Variants in DYM observed in about 807,000 individuals in gnomAD.
DYM encodes dyggve-Melchior-Clausen syndrome protein.
Under a neutral mutation model 93.1 loss-of-function variants are expected in DYM, and 78 were observed. The ratio of observed to expected loss-of-function variants is 0.84; its 90% CI spans 0.70 to 1.01. The LOEUF is 1.01. Ranked by LOEUF, DYM falls within the 50% of genes least tolerant of loss-of-function variation. The pLI, the probability that DYM is intolerant of heterozygous loss-of-function variation, is 0.00. For synonymous variants in DYM, 321 were observed against 319.7 expected (o/e 1.00, Z -0.04); for missense variants, 789 against 845.0 (o/e 0.93, Z 0.82).
At chr18:49,124,709 G>C (rs1337652311) in intron 15 of DYM, among the ~76,000 whole-genome samples, 2 of 152,076 alleles carry the variant, frequency 1.3e-5, no homozygotes, top group African/African-American at 4.8e-5. Flanking sequence ...TTCAGTTGCA[G>C]ATTTATAAAT....
chr18:49,208,046 G>A (rs2092606112), intron 14 of DYM, among the ~76,000 whole-genome samples: 1 of 151,886 alleles, frequency 6.6e-6, no homozygotes, highest in South Asian at 2.1e-4. Flanking sequence ...AGCCAGGCGT[G>A]GTGGTGCACA....
chr18:49,316,911 C>T (rs187465279), intron 8 of DYM, among the ~76,000 whole-genome samples: 2 of 152,238 alleles, frequency 1.3e-5, no homozygotes, highest in East Asian at 1.9e-4. Context: ...CTTCTTATTG[C>T]TGAATAAAAT....
chr18:49,128,840 C>A (rs937277894), intron 15 of DYM, among the ~76,000 whole-genome samples: 2 of 152,030 alleles, frequency 1.3e-5, no homozygotes, highest in Non-Finnish European at 2.9e-5. Flanking sequence ...AATCCAAAAA[C>A]CTTTGTAAGT....
At chr18:49,249,366 A>G (rs1034494245) in intron 13 of DYM, among the ~76,000 whole-genome samples, 1 of 152,186 alleles carries the variant, frequency 6.6e-6, no homozygotes, top group African/African-American at 2.4e-5. Flanking sequence ...ATGTTATTAC[A>G]TATTTGAATT....
Position 49,215,237 on chromosome 18 carries a change from CTGAT to C in DYM, c.1461-5526_1461-5523del, listed in dbSNP as rs370393864. Among the ~76,000 whole-genome samples, 10 of 152,222 alleles carry C rather than the reference CTGAT, an allele frequency of 6.6e-5. 1 individual carries two copies. The Middle Eastern group carries it at 0.01, about 155-fold the overall frequency. ...TGTGAATTTCTTCATCTTTTCTTCT[CTGAT>C]TGATATTAAAATCTGTTCATCTCTC... is the stretch of plus-strand genomic sequence containing the variant. On this transcript the variant is annotated intron_variant, in intron 13 of 17. Transcript: ENST00000675505.
At chr18:49,070,931 T>C (rs932649375) in intron 17 of DYM, among the ~76,000 whole-genome samples, 31 of 152,208 alleles carry the variant, frequency 2.0e-4, no homozygotes, top group African/African-American at 7.5e-4. Flanking sequence ...GTGCCCTGAT[T>C]TGAAAAACTC....
Position 49,392,744 on chromosome 18 carries a change from C to T in DYM, c.141-1099G>A, listed in dbSNP as rs1241211691. On this transcript the variant is annotated intron_variant, in intron 2 of 17. Coordinates refer to ENST00000675505, the MANE Select transcript of DYM (RefSeq NM_001353214.3). ...GCGAGGTGGGCTCACACCTGTAATC[C>T]CAGCACTTTGGGAGGCTGAGGAGGG... 2.8e-5 allele frequency among the ~76,000 whole-genome samples: 4 copies of T among 143,278 alleles called. No homozygotes were observed. In the East Asian group the frequency reaches 7.9e-4, roughly 28 times the overall value. 94.0% of individuals were successfully genotyped at this position (143,278 alleles called of 152,430 possible).
intron 8 of DYM, among the ~76,000 whole-genome samples, chr18:49,318,220 A>G (rs1292239568): frequency 6.6e-6 from 1 of 152,256 alleles, no homozygotes; most frequent in Admixed American, 6.5e-5. Context: ...AAACTAAGGC[A>G]GGAAATGCAG....
At chr18:49,241,288 T>TAAATTA (rs2094001523) in intron 13 of DYM, among the ~76,000 whole-genome samples, 4 of 152,206 alleles carry the variant, frequency 2.6e-5, no homozygotes, top group Non-Finnish European at 5.9e-5. Flanking sequence ...TTTATCAATG[T>TAAATTA]CAGGTCTGCC....
chr18:49,058,597 G>C (rs976526281), intron 17 of DYM, among the ~76,000 whole-genome samples: 2 of 152,176 alleles, frequency 1.3e-5, no homozygotes, highest in African/African-American at 2.4e-5. Context: ...ACAGGTGTGA[G>C]CCACACTGCC....
intron 8 of DYM, 97 bp from the exon 9 acceptor site, chr18:49,286,713 A>G: frequency 2.5e-6 from 3 of 1,208,034 alleles, no homozygotes; most frequent in Non-Finnish European, 3.6e-6. Context: ...TATGGTAATG[A>G]GCAGTTCCAA....
intron 15 of DYM, among the ~76,000 whole-genome samples, chr18:49,153,414 G>C (rs529501982): frequency 3.5e-4 from 53 of 152,258 alleles, no homozygotes; most frequent in African/African-American, 1.3e-3. Context: ...TCTTCAATAT[G>C]AAAGTAAATA....
chr18:49,243,193 T>C (rs1310754536), intron 13 of DYM, among the ~76,000 whole-genome samples: 1 of 152,140 alleles, frequency 6.6e-6, no homozygotes, highest in Non-Finnish European at 1.5e-5. Flanking sequence ...GGTCCCACTT[T>C]CATCACAGTA....
chr18:49,249,136 G>C (rs2094232258), intron 13 of DYM, among the ~76,000 whole-genome samples: 1 of 152,154 alleles, frequency 6.6e-6, no homozygotes. Flanking sequence ...CATTCTTGGA[G>C]TGAGCCAGGC....
chr18:49,141,921 T>A (rs972927657), intron 15 of DYM, among the ~76,000 whole-genome samples: 1 of 152,050 alleles, frequency 6.6e-6, no homozygotes, highest in African/African-American at 2.4e-5. Flanking sequence ...TGGCGCAATC[T>A]CCGCTCACTG....
chr18:49,442,474 C>T (rs1165774438), intron 1 of DYM, among the ~76,000 whole-genome samples: 1 of 151,942 alleles, frequency 6.6e-6, no homozygotes, highest in Non-Finnish European at 1.5e-5. Context: ...TTGCCTGAGC[C>T]TGAGAGGTCA....
At chr18:49,319,227 A>G (rs766368824) in intron 8 of DYM, among the ~76,000 whole-genome samples, 5 of 152,226 alleles carry the variant, frequency 3.3e-5, no homozygotes. Context: ...ACTTTCTAAA[A>G]TAAACAAACT....
chr18:49,371,450 G>A (rs974111516), intron 5 of DYM, among the ~76,000 whole-genome samples: 3 of 152,170 alleles, frequency 2.0e-5, no homozygotes, highest in Non-Finnish European at 4.4e-5. Flanking sequence ...TCTAGCCTGA[G>A]TGACAGAAAC....
chr18:49,337,737 T>A lies in DYM; in HGVS notation c.495-3884A>T, dbSNP rs1005717222. The stretch of plus-strand genomic sequence containing the variant: ...TTACTATGAAATCCGGCAAATCCCA[T>A]GAAAGAATATGAACTATCTGTATTA... On this transcript the variant is annotated intron_variant, in intron 6 of 17. Coordinates refer to ENST00000675505, the MANE Select transcript of DYM (RefSeq NM_001353214.3). 3.3e-5 allele frequency among the ~76,000 whole-genome samples: 5 copies of A among 152,024 alleles called. No homozygotes were observed. In the South Asian group the frequency reaches 1.0e-3, roughly 32 times the overall value.
Sources: gnomAD v4.1 joint callset for allele counts (sites outside exome capture counted in the v4.1 genomes callset) on GRCh38, gnomAD v4.1.1 for gene constraint, MANE v1.5 for transcripts, NCBI Gene and HGNC (gene_info 2026-07-23, HGNC 2026-07-21) for gene names.